The following ICE1 variants were observed in gnomAD, a reference collection of about 807,000 sequenced individuals.
ICE1 encodes interactor of little elongation complex ELL subunit 1.
In ICE1, 64 loss-of-function variants were observed where a neutral mutation model predicts 192.7. That is an observed-to-expected ratio of 0.33 (90% CI 0.27 to 0.41). The LOEUF is 0.41. Ranked by LOEUF, ICE1 falls within the 10% of genes least tolerant of loss-of-function variation. ICE1 has a pLI of 1.00. For missense variants in ICE1, 2,708 were observed against 2,696.0 expected, an observed-to-expected ratio of 1.00 and a Z score of -0.10; for synonymous variants, 1,010 against 984.5, an observed-to-expected ratio of 1.03 and a Z score of -0.49.
intron 1 of ICE1, among the ~76,000 whole-genome samples, chr5:5,431,865 G>A (rs183328780): frequency 2.8e-4 from 42 of 151,534 alleles, no homozygotes; most frequent in Admixed American, 6.6e-4. Flanking sequence ...CTCCATCTTC[G>A]CCTTATTCTT....
chr5:5,454,608 C>T lies in ICE1; in HGVS notation c.661C>T (p.Leu221=). 6.2e-7 allele frequency: 1 copy of T among 1,613,560 alleles called. No individual in the cohort carries two copies. ...LWLCVNTTHR[L]PGEGSRCVPE... ...GCTCTGTGTAAACACAACACACAGA[C>T]TACCTGGTGAAGGCAGCAGGTGTGT... Residue 221 remains leucine, a synonymous_variant, in exon 11 of 19, where the codon CTA becomes TTA. Transcript: ENST00000296564.
In ICE1 at chr5:5,444,990, G is replaced by GT. The variant is rs1024801254; in HGVS notation, c.424+665dup. Reference sequence around the variant, plus strand: ...GGGTGGGACACAGACCTAATACCAAGTAGAGACAAAGGGGCTCTGCCAGAT... The same window carrying GT: ...GGGTGGGACACAGACCTAATACCAAGTTAGAGACAAAGGGGCTCTGCCAGAT... On this transcript the variant is annotated intron_variant, in intron 7 of 18. Transcript: ENST00000296564. Among the ~76,000 whole-genome samples, 6 of 152,278 alleles carry GT rather than the reference G, an allele frequency of 3.9e-5. No homozygotes were observed. In the East Asian group the frequency reaches 1.2e-3, roughly 29 times the overall value.
At chr5:5,483,682 A>C (rs931350528) in intron 17 of ICE1, among the ~76,000 whole-genome samples, 2 of 152,196 alleles carry the variant, frequency 1.3e-5, no homozygotes, top group Non-Finnish European at 2.9e-5. Flanking sequence ...AGTGGAGTGT[A>C]AATCTGTAGA....
In ICE1 at chr5:5,462,415, T is replaced by G. The variant is rs1010190828; in HGVS notation, c.3081T>G (p.Ser1027=). ...CCAGCTGTGGAGACACAGGGAGATC[T>G]GGTGGTGAGGCCCTGGCTGTTGCAA... ...EETSCGDTGR[S]GGEALAVAND... Residue 1027 remains serine (S), a synonymous_variant, in exon 13 of 19, where the codon TCT becomes TCG. Coordinates refer to ENST00000296564, the MANE Select transcript of ICE1 (RefSeq NM_015325.3). 6.2e-7 allele frequency: 1 copy of G among 1,614,054 alleles called. No homozygotes were observed. Among genetic ancestry groups the G allele is most frequent in the East Asian group, 2.2e-5 (1 of 44,880 alleles).
In ICE1 at chr5:5,457,713, C is replaced by G; in HGVS notation, c.1073C>G (p.Pro358Arg). 6.2e-7 allele frequency: 1 copy of G among 1,612,932 alleles called. No homozygotes were observed. The highest frequency in any genetic ancestry group is 8.5e-7 in the Non-Finnish European group (1 of 1,179,114). ...PSPPPMSSPH[P>R]GSLPSSFAPE... The stretch of plus-strand genomic sequence containing the variant: ...CCCCCTCCGATGTCATCACCTCACC[C>G]GGGTTCCTTACCGTCTTCATTTGCA... The change falls in exon 12 of 19, where the codon CCG becomes CGG. Residue 358 changes from proline (P) to arginine (R), a missense_variant. Around this residue, in one of 2 missense-constraint regions of ICE1, gnomAD observed 2,366 missense variants for 2,276.6 expected, o/e 1.04. Coordinates refer to ENST00000296564, the MANE Select transcript of ICE1 (RefSeq NM_015325.3).
rs1219227278 is a variant in ICE1 at position 5,460,575 on chromosome 5, G to A, written c.1241G>A (p.Gly414Asp). 3.7e-6 allele frequency: 6 copies of A among 1,612,596 alleles called. No homozygotes were observed. The highest frequency in any genetic ancestry group is 3.4e-6 in the Non-Finnish European group (4 of 1,179,262). Reference protein sequence around the residue: ...FGSLRKNKGSGTWEEKPKSHE... With the variant: ...FGSLRKNKGSDTWEEKPKSHE... Reference sequence around the variant, plus strand: ...TCATTGAGAAAAAATAAAGGAAGTGGCACATGGGAGGAAAAGCCCAAATCA... The same window carrying A: ...TCATTGAGAAAAAATAAAGGAAGTGACACATGGGAGGAAAAGCCCAAATCA... Residue 414 changes from glycine to aspartate, a missense_variant, in exon 13 of 19, where the codon GGC becomes GAC. Physicochemically the swap from Gly to Asp is moderately conservative, Grantham distance 94. Transcript: ENST00000296564.
chr5:5,447,437 C>G lies in ICE1; in HGVS notation c.435C>G (p.Val145=). Residue 145 remains valine, a synonymous_variant, in exon 8 of 19, where the codon GTC becomes GTG. Transcript: ENST00000296564. ...TCATTGGACTTAAAGAGGCTGCTGTCAAGCAAACTCAGGACTTCAAGCAAC... is the reference window on the plus strand; with the variant it reads ...TCATTGGACTTAAAGAGGCTGCTGTGAAGCAAACTCAGGACTTCAAGCAAC... ...AKVKKLQEAA[V]KQTQDFKQLR... is the part of the protein sequence containing the mutation. The G allele has an allele frequency of 6.4e-7, 1 of 1,551,790 alleles. No individual in the cohort carries two copies. The highest frequency in any genetic ancestry group is 1.2e-5 in the South Asian group (1 of 83,936).
chr5:5,475,553 T>C (rs915393670), intron 16 of ICE1, among the ~76,000 whole-genome samples: 3 of 152,232 alleles, frequency 2.0e-5, no homozygotes, highest in Non-Finnish European at 4.4e-5. Flanking sequence ...AGTTTTCCTC[T>C]GGCTTAGCTC....
rs755247881 is a variant in ICE1 at position 5,439,904 on chromosome 5, T to C, written c.188T>C (p.Phe63Ser). The C allele has an allele frequency of 1.3e-6, 2 of 1,556,916 alleles. No individual in the cohort carries two copies. Among genetic ancestry groups the C allele is most frequent in the South Asian group, 2.4e-5 (2 of 83,286 alleles). ...EYQKKCDELQFARRENSNLHH... is the reference protein window; with the variant it reads ...EYQKKCDELQSARRENSNLHH... ...CTTTAATAAGTTTTACAGCTGCAGT[T>C]TGCAAGAAGGTGAGCCAACCTGTTT... Residue 63 changes from phenylalanine (F) to serine (S), a missense_variant, in exon 4 of 19, where the codon TTT becomes TCT. Around this residue, in one of 2 missense-constraint regions of ICE1, gnomAD observed 2,366 missense variants for 2,276.6 expected, o/e 1.04. Coordinates refer to ENST00000296564, the MANE Select transcript of ICE1 (RefSeq NM_015325.3).
In ICE1 at chr5:5,489,846, A is replaced by G. The variant is rs1436294969; in HGVS notation, c.*516A>G. Reference sequence around the variant, plus strand: ...CAAGATGTAGTGCGTAATTGATCAGAGCAAAACATGCAGAGCCCTTAGCAG... The same window carrying G: ...CAAGATGTAGTGCGTAATTGATCAGGGCAAAACATGCAGAGCCCTTAGCAG... On this transcript the variant is annotated 3_prime_UTR_variant, in exon 19 of 19. Transcript: ENST00000296564. 6.6e-6 allele frequency: 1 copy of G among 152,282 alleles called. No individual in the cohort carries two copies. The highest frequency in any genetic ancestry group is 6.5e-5 in the Admixed American group (1 of 15,288). The allele number at this position is 152,282 out of a possible 1,614,324, so 9.4% of individuals were successfully genotyped here.
At chr5:5,436,537 GGCGGT>G (rs1737877438) in intron 2 of ICE1, 61 bp downstream of exon 2, 1 of 1,049,788 alleles carries the variant, frequency 9.5e-7, no homozygotes, top group Non-Finnish European at 1.3e-6. Context: ...GGCTGAAGCA[GGCGGT>G]GCTTTTAGGC....
At chr5:5,451,673 A>G (rs551242077) in intron 10 of ICE1, among the ~76,000 whole-genome samples, 1 of 152,282 alleles carries the variant, frequency 6.6e-6, no homozygotes, top group East Asian at 1.9e-4. Context: ...ATAGGAAGAA[A>G]TTTTTAACAA....
chr5:5,446,009 G>A (rs756421986), intron 7 of ICE1, among the ~76,000 whole-genome samples: 4 of 151,686 alleles, frequency 2.6e-5, no homozygotes, highest in Admixed American at 6.6e-5. Flanking sequence ...GTGAGTCACC[G>A]CGCCTGGCCC....
At chr5:5,432,248 T>A (rs1737734216) in intron 1 of ICE1, among the ~76,000 whole-genome samples, 1 of 152,236 alleles carries the variant, frequency 6.6e-6, no homozygotes, top group Admixed American at 6.5e-5. Flanking sequence ...CTTTTGGCTC[T>A]GTTAAGGAAA....
Position 5,460,926 on chromosome 5 carries a change from G to A in ICE1, c.1592G>A (p.Cys531Tyr). The part of the protein sequence containing the change: ...KEAAPGKSEL[C>Y]SSPLGKRPLN... Reference sequence around the variant, plus strand: ...GCTGCCCCTGGGAAGTCTGAGTTGTGTTCTTCTCCCCTTGGCAAAAGGCCA... The same window carrying A: ...GCTGCCCCTGGGAAGTCTGAGTTGTATTCTTCTCCCCTTGGCAAAAGGCCA... Residue 531 changes from cysteine to tyrosine, a missense_variant, in exon 13 of 19, where the codon TGT (cysteine) becomes TAT (tyrosine). Physicochemically the swap from Cys to Tyr is radical, Grantham distance 194. This residue lies in a region of ICE1 where 2,366 missense variants were observed against 2,276.6 expected (regional missense o/e 1.04). Coordinates refer to ENST00000296564, the MANE Select transcript of ICE1 (RefSeq NM_015325.3). The A allele has an allele frequency of 1.2e-6, 2 of 1,614,026 alleles. No homozygotes were observed. Among genetic ancestry groups the A allele is most frequent in the Non-Finnish European group, 8.5e-7 (1 of 1,179,900 alleles).
intron 16 of ICE1, among the ~76,000 whole-genome samples, chr5:5,475,634 G>A (rs950652103): frequency 2.0e-5 from 3 of 152,298 alleles, no homozygotes; most frequent in Admixed American, 2.0e-4. Flanking sequence ...AAACACAGGG[G>A]CTGCTTTTGC....
chr5:5,433,486 C>T (rs138533266), intron 1 of ICE1, among the ~76,000 whole-genome samples: 100 of 152,206 alleles, frequency 6.6e-4, no homozygotes, highest in African/African-American at 2.2e-3. Context: ...CTTGAGTCTG[C>T]TTTCCAGTTT....
At chr5:5,473,328 T>C (rs1738746562) in intron 15 of ICE1, among the ~76,000 whole-genome samples, 1 of 152,252 alleles carries the variant, frequency 6.6e-6, no homozygotes, top group South Asian at 2.1e-4. Flanking sequence ...TTCTACCTGA[T>C]TGGATCCTGC....
chr5:5,463,480 A>G lies in ICE1; in HGVS notation c.4146A>G (p.Ile1382Met), dbSNP rs1321215896. ...CTGACTCTGTGATGGAGCCATCCAT[A>G]GAGCAAAGTTCTAACTGCGAGGCCG... ...LCSDSVMEPS[I>M]EQSSNCEAET... Residue 1382 changes from isoleucine (I) to methionine (M), a missense_variant, in exon 13 of 19, where the codon ATA becomes ATG. Around this residue, in one of 2 missense-constraint regions of ICE1, gnomAD observed 2,366 missense variants for 2,276.6 expected, o/e 1.04. Coordinates refer to ENST00000296564, the MANE Select transcript of ICE1 (RefSeq NM_015325.3). The G allele has an allele frequency of 1.2e-6, 2 of 1,613,108 alleles. No homozygotes were observed. Among genetic ancestry groups the G allele is most frequent in the Non-Finnish European group, 1.7e-6 (2 of 1,179,468 alleles).
Sources: allele counts gnomAD v4.1 joint callset (sites outside exome capture counted in the v4.1 genomes callset), GRCh38; gene constraint gnomAD v4.1.1; regional missense constraint gnomAD v4.1.1; transcripts MANE v1.5; gene names NCBI Gene and HGNC (gene_info 2026-07-23, HGNC 2026-07-21).